Variants in LPGAT1 observed in about 807,000 individuals in gnomAD.
The protein encoded by LPGAT1 is acyl-CoA:lysophosphatidylglycerol acyltransferase 1.
LPGAT1 carries 11 observed loss-of-function variants against 47.5 expected under a neutral mutation model. That is an observed-to-expected ratio of 0.23 (90% CI 0.15 to 0.38). The LOEUF is 0.38. LPGAT1 is among the 10% of genes least tolerant of loss of function. The pLI is 1.00. For missense variants in LPGAT1, 293 were observed against 439.0 expected (o/e 0.67, Z 2.97); for synonymous variants, 138 against 144.2 (o/e 0.96, Z 0.31).
At chr1:211,812,088 G>A (rs887929707) in intron 2 of LPGAT1, among the ~76,000 whole-genome samples, 9 of 152,132 alleles carry the variant, frequency 5.9e-5, no homozygotes, top group Non-Finnish European at 1.2e-4. Flanking sequence ...CCATGTGTAA[G>A]CACTTGTTAA....
chr1:211,790,254 C>T (rs371286606), intron 3 of LPGAT1, among the ~76,000 whole-genome samples: 2 of 152,038 alleles, frequency 1.3e-5, no homozygotes, highest in South Asian at 4.2e-4. Flanking sequence ...GTTGGGTACA[C>T]AAAACGTCTG....
At chr1:211,807,649 A>G (rs1659811264) in intron 2 of LPGAT1, among the ~76,000 whole-genome samples, 1 of 152,198 alleles carries the variant, frequency 6.6e-6, no homozygotes, top group African/African-American at 2.4e-5. Flanking sequence ...AGTCACCTGA[A>G]TGGAAAAAGA....
chr1:211,820,770 G>A (rs891357091), intron 2 of LPGAT1, among the ~76,000 whole-genome samples: 15 of 151,988 alleles, frequency 9.9e-5, no homozygotes, highest in African/African-American at 2.9e-4. Context: ...AAAACAATGA[G>A]ACAAAGTAAA....
At chr1:211,811,148 A>G (rs1659972565) in intron 2 of LPGAT1, among the ~76,000 whole-genome samples, 1 of 152,216 alleles carries the variant, frequency 6.6e-6, no homozygotes, top group Non-Finnish European at 1.5e-5. Flanking sequence ...TTTTTATGAA[A>G]GTTAAAGAAA....
At position 211,778,897 on chromosome 1, in the gene LPGAT1, G is replaced by A. The variant is rs750974093; in HGVS notation, c.854+21C>T. On this transcript the variant is annotated intron_variant, in intron 6 of 7. Transcript: ENST00000366997. The stretch of plus-strand genomic sequence containing the variant: ...GGTAGTATTGTTGGATATATACTGA[G>A]TACTAATATAGAATTCTTACCTGTA... The A allele has an allele frequency of 5.8e-6, 9 of 1,561,764 alleles. No homozygotes were observed. In the African/African-American group the frequency reaches 1.2e-4, roughly 22 times the overall value.
At chr1:211,787,572 T>C in intron 4 of LPGAT1, 60 bp downstream of exon 4, 1 of 947,162 alleles carries the variant, frequency 1.1e-6, no homozygotes, top group South Asian at 1.6e-5. Context: ...TACCTCTTTT[T>C]ATAATCAAGA....
intron 6 of LPGAT1, among the ~76,000 whole-genome samples, chr1:211,778,070 C>A (rs1019365806): frequency 6.6e-6 from 1 of 152,152 alleles, no homozygotes; most frequent in African/African-American, 2.4e-5. Flanking sequence ...AGGCTGGGCG[C>A]GGTGGCTCAC....
At chr1:211,800,530 A>G (rs1659533626) in intron 2 of LPGAT1, among the ~76,000 whole-genome samples, 1 of 152,224 alleles carries the variant, frequency 6.6e-6, no homozygotes, top group African/African-American at 2.4e-5. Context: ...ATAACTGGGA[A>G]TTAACTTTCA....
At chr1:211,776,736 T>C (rs1306549592) in intron 6 of LPGAT1, among the ~76,000 whole-genome samples, 1 of 150,996 alleles carries the variant, frequency 6.6e-6, no homozygotes, top group Non-Finnish European at 1.5e-5. Context: ...GGAGAAATTA[T>C]GCTTAACTGC....
chr1:211,744,360 G>C lies in LPGAT1; in HGVS notation c.*5539C>G, dbSNP rs1171649680. The C allele has an allele frequency of 6.6e-6, 1 of 152,210 alleles. No homozygotes were observed. The highest frequency in any genetic ancestry group is 2.4e-5 in the African/African-American group (1 of 41,458). 9.4% of individuals were successfully genotyped at this position (152,210 alleles called of 1,614,324 possible). ...ATATAAATTTACAATTAATGTTAAAGCTAAAAGTGGTTTCGGCTTAATGAG... is the reference window on the plus strand; with the variant it reads ...ATATAAATTTACAATTAATGTTAAACCTAAAAGTGGTTTCGGCTTAATGAG... On this transcript the variant is annotated 3_prime_UTR_variant, in exon 8 of 8. Coordinates refer to ENST00000366997, the MANE Select transcript of LPGAT1 (RefSeq NM_014873.3).
chr1:211,790,918 T>G (rs6698841), intron 3 of LPGAT1, among the ~76,000 whole-genome samples: 64,566 of 151,998 alleles, frequency 0.42, 15,097 homozygotes, highest in East Asian at 0.76. Flanking sequence ...TCACTATAAA[T>G]GTAATGATCC....
At chr1:211,793,271 TATATTAATGATG>T (rs1436984949) in intron 2 of LPGAT1, 81 bp from the exon 3 acceptor site, 1 of 858,090 alleles carries the variant, frequency 1.2e-6, no homozygotes, top group East Asian at 2.6e-5. Context: ...AAAAATGATG[TATATTAATGATG>T]ATATGTCACC....
chr1:211,795,999 T>C (rs555042801), intron 2 of LPGAT1, among the ~76,000 whole-genome samples: 6 of 152,224 alleles, frequency 3.9e-5, no homozygotes, highest in Non-Finnish European at 5.9e-5. Context: ...TCTGTATTAA[T>C]AGATGTCTCA....
chr1:211,823,882 G>C (rs1660447699), intron 2 of LPGAT1, among the ~76,000 whole-genome samples: 2 of 151,460 alleles, frequency 1.3e-5, no homozygotes, highest in Non-Finnish European at 1.5e-5. Context: ...CAAGGCTGCA[G>C]TGAGCTAAGA....
At chr1:211,808,579 CA>C (rs1254913934) in intron 2 of LPGAT1, among the ~76,000 whole-genome samples, 1 of 151,970 alleles carries the variant, frequency 6.6e-6, no homozygotes, top group Non-Finnish European at 1.5e-5. Flanking sequence ...TTGGCAATAC[CA>C]AGAGCTAGTG....
intron 2 of LPGAT1, among the ~76,000 whole-genome samples, chr1:211,798,220 T>C (rs1044144699): frequency 2.0e-5 from 3 of 152,182 alleles, no homozygotes; most frequent in Non-Finnish European, 4.4e-5. Flanking sequence ...TTCTCACTTA[T>C]GAAACAATAA....
At chr1:211,791,718 G>GTTTCCCTGCTTTCCTCCCAGTTA (rs1553310593) in intron 3 of LPGAT1, among the ~76,000 whole-genome samples, 12 of 140,586 alleles carry the variant, frequency 8.5e-5, no homozygotes, top group South Asian at 2.2e-4. Flanking sequence ...CTGCACTCCA[G>GTTTCCCTGCTTTCCTCCCAGTTA]CCTGGGCAAC....
chr1:211,783,322 G>C lies in LPGAT1; in HGVS notation c.634C>G (p.Leu212Val). The change falls in exon 5 of 8, where the codon CTG becomes GTG. Residue 212 changes from leucine (L) to valine (V), a missense_variant. By Grantham distance (32) the Leu-to-Val change is conservative. Transcript: ENST00000366997. ...NNLPFLTNVTLPRSGATKIIL... is the reference protein window; with the variant it reads ...NNLPFLTNVTVPRSGATKIIL... Reference sequence around the variant, plus strand: ...ATTTTTGTTGCCCCAGACCTTGGCAGAGTAACATTTGTAAGAAATGGCAAG... The same window carrying C: ...ATTTTTGTTGCCCCAGACCTTGGCACAGTAACATTTGTAAGAAATGGCAAG... The C allele has an allele frequency of 6.2e-7, 1 of 1,614,174 alleles. No individual in the cohort carries two copies. The highest frequency in any genetic ancestry group is 8.5e-7 in the Non-Finnish European group (1 of 1,180,030).
chr1:211,815,718 TC>T (rs1252425920), intron 2 of LPGAT1, among the ~76,000 whole-genome samples: 1 of 148,484 alleles, frequency 6.7e-6, no homozygotes, highest in East Asian at 2.0e-4. Context: ...CCTCACTCCC[TC>T]CCTGCTGCAG....
Sources: gnomAD v4.1 joint callset for allele counts (sites outside exome capture counted in the v4.1 genomes callset) on GRCh38, gnomAD v4.1.1 for gene constraint, MANE v1.5 for transcripts, NCBI Gene and HGNC (gene_info 2026-07-23, HGNC 2026-07-21) for gene names.